Variants in RCSD1 observed in about 807,000 individuals in gnomAD.
RCSD1 encodes the protein capZ-interacting protein.
In RCSD1, 26 loss-of-function variants were observed where a neutral mutation model predicts 42.5. That is an observed-to-expected ratio of 0.61 (90% confidence interval 0.45 to 0.85). RCSD1 has a LOEUF of 0.85. RCSD1 is among the 40% of genes least tolerant of loss of function. The pLI is 0.00. For synonymous variants in RCSD1, 220 were observed against 212.2 expected (o/e 1.04, Z -0.32); for missense variants, 571 against 528.3 (o/e 1.08, Z -0.79).
At chr1:167,699,708 C>G (rs1659593660) in intron 6 of RCSD1, among the ~76,000 whole-genome samples, 1 of 152,238 alleles carries the variant, frequency 6.6e-6, no homozygotes, top group Non-Finnish European at 1.5e-5. Context: ...GATGTACCCA[C>G]CTCTCCCTGA....
chr1:167,692,581 A>C (rs911673063), intron 4 of RCSD1, among the ~76,000 whole-genome samples: 4 of 151,732 alleles, frequency 2.6e-5, no homozygotes, highest in African/African-American at 9.7e-5. Flanking sequence ...TCAAAGTCTC[A>C]AACTCCTGGG....
intron 1 of RCSD1, among the ~76,000 whole-genome samples, chr1:167,676,294 G>T (rs577123055): frequency 6.6e-6 from 1 of 152,220 alleles, no homozygotes; most frequent in African/African-American, 2.4e-5. Context: ...ACCCTCCAGG[G>T]CAGACAGTGC....
At chr1:167,696,881 CA>C (rs1240324664) in intron 5 of RCSD1, among the ~76,000 whole-genome samples, 2 of 152,172 alleles carry the variant, frequency 1.3e-5, no homozygotes, top group Non-Finnish European at 2.9e-5. Flanking sequence ...TGCATCTTCA[CA>C]AAATAAAAGT....
At position 167,650,460 on chromosome 1, in the gene RCSD1, AGGCT is replaced by A. The variant is rs756503954; in HGVS notation, c.6+20033_6+20036del. Among the ~76,000 whole-genome samples, 6 of 152,300 alleles carry A rather than the reference AGGCT, an allele frequency of 3.9e-5. 1 individual carries two copies. Among genetic ancestry groups the A allele is most frequent in the Non-Finnish European group, 5.9e-5 (4 of 68,022 alleles). On this transcript the variant is annotated intron_variant, in intron 1 of 6. Transcript: ENST00000367854. ...GCCCAGACCACTCACTCAGAAGCAG[AGGCT>A]GTGTTTGAAGCCACCAGCCAGGGGG...
intron 1 of RCSD1, among the ~76,000 whole-genome samples, chr1:167,647,138 A>AAAAAAAAAAAAAG (rs1173854956): frequency 5.3e-5 from 8 of 151,210 alleles, no homozygotes; most frequent in African/African-American, 9.7e-5. Context: ...CTCAAAAAAA[A>AAAAAAAAAAAAAG]AGAGAGAGAG....
At chr1:167,698,648 C>T (rs1317615045) in intron 6 of RCSD1, among the ~76,000 whole-genome samples, 1 of 152,162 alleles carries the variant, frequency 6.6e-6, no homozygotes, top group African/African-American at 2.4e-5. Flanking sequence ...CTGCAGAGTC[C>T]CTAACAATCT....
At chr1:167,680,314 A>T (rs1659047956) in intron 1 of RCSD1, among the ~76,000 whole-genome samples, 1 of 151,892 alleles carries the variant, frequency 6.6e-6, no homozygotes, top group South Asian at 2.1e-4. Context: ...ACTTACATAC[A>T]TCTGGGTATG....
In RCSD1 at chr1:167,708,224, A is replaced by G. The variant is rs114265132; in HGVS notation, c.*3528A>G. Among the ~76,000 whole-genome samples, 1,356 of 152,322 alleles carry G rather than the reference A, an allele frequency of 8.9e-3. 20 individuals carry two copies. The highest frequency in any genetic ancestry group is 0.029 in the African/African-American group (1,193 of 41,572). ...CTGCACTTTCTCTACAAGGCTTGCA[A>G]AGGTGAGCAAGAAGATTCCCCAAAG... On this transcript the variant is annotated 3_prime_UTR_variant, in exon 7 of 7. Transcript: ENST00000367854.
chr1:167,707,017 A>G lies in RCSD1; in HGVS notation c.*2321A>G, dbSNP rs1012023756. ...CAGCAACAGAGTTAAAGAAATAGTC[A>G]TAGTCATTCTTCCACGATCTTTGTA... On this transcript the variant is annotated 3_prime_UTR_variant, in exon 7 of 7. Coordinates refer to ENST00000367854, the MANE Select transcript of RCSD1 (RefSeq NM_052862.4). 1.3e-5 allele frequency among the ~76,000 whole-genome samples: 2 copies of G among 152,258 alleles called. No homozygotes were observed. The highest frequency in any genetic ancestry group is 2.1e-4 in the South Asian group (1 of 4,836).
At chr1:167,666,974 T>C (rs1008110868) in intron 1 of RCSD1, among the ~76,000 whole-genome samples, 3 of 152,232 alleles carry the variant, frequency 2.0e-5, no homozygotes, top group African/African-American at 4.8e-5. Flanking sequence ...ACCCCTGCAA[T>C]AGAACTTTCA....
At chr1:167,673,663 C>T (rs1203006587) in intron 1 of RCSD1, among the ~76,000 whole-genome samples, 1 of 152,256 alleles carries the variant, frequency 6.6e-6, no homozygotes, top group East Asian at 1.9e-4. Flanking sequence ...TGAATTATAA[C>T]TTGCATATGC....
At chr1:167,641,369 A>G (rs1658001354) in intron 1 of RCSD1, 1 of 152,200 alleles carries the variant, frequency 6.6e-6, no homozygotes, top group Admixed American at 6.5e-5. Flanking sequence ...TCTTTCATTA[A>G]TCCCTTCATT....
In RCSD1 at chr1:167,675,157, G is replaced by A. The variant is rs1658911406; in HGVS notation, c.7-8743G>A. ...GGAGGTGGAGGTTGCAGTGAGCCGA[G>A]ATCTCACCACTGCACTTCAGCCAGG... On this transcript the variant is annotated intron_variant, in intron 1 of 6. Transcript: ENST00000367854. Among the ~76,000 whole-genome samples, 5 of 125,112 alleles carry A rather than the reference G, an allele frequency of 4.0e-5. No individual in the cohort carries two copies. In the South Asian group the frequency reaches 1.3e-3, roughly 33 times the overall value. 82.1% of individuals were successfully genotyped at this position (125,112 alleles called of 152,430 possible).
At chr1:167,700,853 G>T (rs1010626952) in intron 6 of RCSD1, among the ~76,000 whole-genome samples, 1 of 152,108 alleles carries the variant, frequency 6.6e-6, no homozygotes, top group African/African-American at 2.4e-5. Flanking sequence ...CTTATTTTCA[G>T]GTTAGGAGAC....
chr1:167,667,870 GTTCA>G (rs1658697068), intron 1 of RCSD1, among the ~76,000 whole-genome samples: 1 of 152,122 alleles, frequency 6.6e-6, no homozygotes, highest in Admixed American at 6.5e-5. Flanking sequence ...TCATTTATTT[GTTCA>G]TTCATTTACC....
chr1:167,692,069 G>T (rs1226335705), intron 4 of RCSD1, among the ~76,000 whole-genome samples: 1 of 152,084 alleles, frequency 6.6e-6, no homozygotes, highest in East Asian at 1.9e-4. Context: ...AGTCATTAAT[G>T]AGTCTTTTGG....
intron 6 of RCSD1, among the ~76,000 whole-genome samples, chr1:167,698,894 A>G (rs1376190405): frequency 9.3e-5 from 14 of 151,204 alleles, no homozygotes; most frequent in African/African-American, 3.4e-4. Flanking sequence ...CCGCCTCCCG[A>G]GTTCACGCCA....
At chr1:167,677,300 G>A (rs1056782751) in intron 1 of RCSD1, among the ~76,000 whole-genome samples, 1 of 152,152 alleles carries the variant, frequency 6.6e-6, no homozygotes, top group African/African-American at 2.4e-5. Context: ...CAATGTGGAT[G>A]GGGCACGCAA....
intron 1 of RCSD1, among the ~76,000 whole-genome samples, chr1:167,678,814 G>A (rs998996717): frequency 1.3e-5 from 2 of 152,124 alleles, no homozygotes; most frequent in African/African-American, 4.8e-5. Context: ...TGTTGTCCCT[G>A]CCACCCTTCT....
Sources: gnomAD v4.1 joint callset for allele counts (sites outside exome capture counted in the v4.1 genomes callset) on GRCh38, gnomAD v4.1.1 for gene constraint, MANE v1.5 for transcripts, NCBI Gene and HGNC (gene_info 2026-07-23, HGNC 2026-07-21) for gene names.